CNTN6: variants seen among roughly 807,000 people sequenced by gnomAD.
CNTN6 encodes the protein contactin-6.
A neutral mutation model predicts 122.8 loss-of-function variants in CNTN6; 137 were observed. That is an observed-to-expected ratio of 1.12 (90% CI 0.97 to 1.29). The LOEUF (loss-of-function observed/expected upper bound fraction) is 1.29. CNTN6 is among the 50% of genes most tolerant of loss of function. The pLI is 0.00. For missense variants in CNTN6, 1,634 were observed against 1,223.4 expected (o/e 1.34, Z -5.01); for synonymous variants, 570 against 426.0 (o/e 1.34, Z -4.16).
At chr3:1,141,291 T>A (rs2092602403) in intron 1 of CNTN6, among the ~76,000 whole-genome samples, 1 of 152,214 alleles carries the variant, frequency 6.6e-6, no homozygotes, top group Admixed American at 6.5e-5. Context: ...TTTGTTCTGA[T>A]GATGAACATG....
At chr3:1,185,222 CCTT>C (rs1208175884) in intron 2 of CNTN6, among the ~76,000 whole-genome samples, 1 of 152,002 alleles carries the variant, frequency 6.6e-6, no homozygotes, top group Non-Finnish European at 1.5e-5. Flanking sequence ...AATTCCTTCT[CCTT>C]AAAAGTGTTG....
intron 1 of CNTN6, among the ~76,000 whole-genome samples, chr3:1,133,342 A>T (rs1030203376): frequency 6.6e-6 from 1 of 151,952 alleles, no homozygotes; most frequent in African/African-American, 2.4e-5. Flanking sequence ...TTTTGTAGTA[A>T]TAATAATAAT....
chr3:1,309,167 A>G (rs915537647), intron 7 of CNTN6, among the ~76,000 whole-genome samples: 2 of 151,986 alleles, frequency 1.3e-5, no homozygotes, highest in African/African-American at 4.8e-5. Context: ...TTTTTTTCCA[A>G]TAAACGGTGT....
At chr3:1,101,202 T>G (rs2124955285) in intron 1 of CNTN6, among the ~76,000 whole-genome samples, 1 of 152,210 alleles carries the variant, frequency 6.6e-6, no homozygotes, top group East Asian at 1.9e-4. Context: ...CTGATTGCCT[T>G]TTTCGGATTC....
At chr3:1,330,674 G>A (rs1702164835) in intron 11 of CNTN6, among the ~76,000 whole-genome samples, 2 of 151,846 alleles carry the variant, frequency 1.3e-5, no homozygotes, top group Non-Finnish European at 2.9e-5. Context: ...CTGAAGATAT[G>A]AAAATAGTCC....
chr3:1,364,744 C>T (rs1050650815), intron 12 of CNTN6, among the ~76,000 whole-genome samples: 4 of 151,764 alleles, frequency 2.6e-5, no homozygotes, highest in African/African-American at 9.7e-5. Flanking sequence ...GCTGGGGTCC[C>T]CGTAACTAAA....
At chr3:1,275,564 C>T (rs927110414) in intron 4 of CNTN6, among the ~76,000 whole-genome samples, 1 of 152,150 alleles carries the variant, frequency 6.6e-6, no homozygotes, top group Non-Finnish European at 1.5e-5. Flanking sequence ...AAGAGTCACC[C>T]CATCAGGTTT....
At chr3:1,332,272 C>G (rs1045802830) in intron 11 of CNTN6, among the ~76,000 whole-genome samples, 1 of 151,950 alleles carries the variant, frequency 6.6e-6, no homozygotes, top group African/African-American at 2.4e-5. Context: ...CTCCATGAGT[C>G]TATGTCCCTG....
In CNTN6 at chr3:1,158,825, TATATATACACACAC is replaced by T. The variant is rs1399661956; in HGVS notation, c.55+10770_55+10783del. On this transcript the variant is annotated intron_variant, in intron 2 of 22. Transcript: ENST00000446702. ...ATACACACATATATATACACACACA[TATATATACACACAC>T]ATATATATACATACATATATATACA... 2.3e-4 allele frequency among the ~76,000 whole-genome samples: 19 copies of T among 83,910 alleles called. 2 individuals carry two copies. Among genetic ancestry groups the T allele is most frequent in the African/African-American group, 9.0e-4 (15 of 16,630 alleles). 55.0% of individuals were successfully genotyped at this position (83,910 alleles called of 152,430 possible).
chr3:1,158,041 C>G (rs1010552625), intron 2 of CNTN6, among the ~76,000 whole-genome samples: 1 of 152,052 alleles, frequency 6.6e-6, no homozygotes, highest in African/African-American at 2.4e-5. Flanking sequence ...CATATGGGGG[C>G]CCTAGTTTTA....
chr3:1,194,790 C>T (rs2093752375), intron 2 of CNTN6, among the ~76,000 whole-genome samples: 1 of 152,136 alleles, frequency 6.6e-6, no homozygotes, highest in African/African-American at 2.4e-5. Flanking sequence ...GTGATGTCAA[C>T]TCCATTGAGA....
intron 2 of CNTN6, among the ~76,000 whole-genome samples, chr3:1,161,650 G>A (rs1011747737): frequency 1.3e-5 from 2 of 151,182 alleles, no homozygotes; most frequent in African/African-American, 4.9e-5. Context: ...TTATTTTTTA[G>A]CCATTTTTAT....
chr3:1,145,478 G>A (rs1307916543), intron 1 of CNTN6, among the ~76,000 whole-genome samples: 1 of 121,174 alleles, frequency 8.3e-6, no homozygotes, highest in African/African-American at 3.6e-5. Context: ...ATCACAAGAA[G>A]GAGACAGAAT....
chr3:1,335,908 C>A (rs1168416488), intron 11 of CNTN6, among the ~76,000 whole-genome samples: 1 of 151,938 alleles, frequency 6.6e-6, no homozygotes, highest in Non-Finnish European at 1.5e-5. Flanking sequence ...TGGTGGCACA[C>A]CCCTGTGGTG....
intron 2 of CNTN6, among the ~76,000 whole-genome samples, chr3:1,170,010 G>A (rs919691211): frequency 3.9e-4 from 59 of 152,036 alleles, no homozygotes; most frequent in Admixed American, 1.2e-3. Context: ...CGAGGCGGGC[G>A]GATCACTTGA....
At chr3:1,269,131 A>ATT (rs75824583) in intron 4 of CNTN6, among the ~76,000 whole-genome samples, 1 of 151,820 alleles carries the variant, frequency 6.6e-6, no homozygotes, top group South Asian at 2.1e-4. Flanking sequence ...GTATTATGTC[A>ATT]TTTTTTTTCC....
intron 11 of CNTN6, among the ~76,000 whole-genome samples, chr3:1,342,666 C>T (rs1458806858): frequency 6.6e-6 from 1 of 152,024 alleles, no homozygotes; most frequent in Non-Finnish European, 1.5e-5. Context: ...TACTAGAGAT[C>T]TTATTGCGAC....
At position 1,403,425 on chromosome 3, in the gene CNTN6, A is replaced by G. The variant is rs1695987607; in HGVS notation, c.*7A>G. On this transcript the variant is annotated 3_prime_UTR_variant, in exon 23 of 23. Transcript: ENST00000446702. ...TATTCAGCCACTTATCTGATGAATA[A>G]AACCATAAATCTTTGAGAGTTTTTT... 6 of 1,567,492 alleles carry G rather than the reference A, an allele frequency of 3.8e-6. No homozygotes were observed. The highest frequency in any genetic ancestry group is 5.3e-6 in the Non-Finnish European group (6 of 1,139,186).
At chr3:1,311,293 AT>A (rs1165231849) in intron 7 of CNTN6, among the ~76,000 whole-genome samples, 4 of 145,522 alleles carry the variant, frequency 2.7e-5, no homozygotes, top group Admixed American at 6.9e-5. Context: ...TTATATATAC[AT>A]ATACGTATAT....
Sources: gnomAD v4.1 joint callset for allele counts (sites outside exome capture counted in the v4.1 genomes callset) on GRCh38, gnomAD v4.1.1 for gene constraint, MANE v1.5 for transcripts, NCBI Gene and HGNC (gene_info 2026-07-23, HGNC 2026-07-21) for gene names.